TAMM41: variants seen among roughly 807,000 people sequenced by gnomAD.
TAMM41 encodes the protein TAM41 mitochondrial translocator assembly and maintenance homolog, also known as phosphatidate cytidylyltransferase, mitochondrial.
TAMM41 carries 36 observed loss-of-function variants against 44.1 expected under a neutral mutation model. The ratio of observed to expected loss-of-function variants is 0.82; its 90% CI spans 0.63 to 1.08. The LOEUF (loss-of-function observed/expected upper bound fraction) is 1.08, where lower values mean the gene tolerates loss of function less well. Ranked by LOEUF, TAMM41 falls within the 50% of genes least tolerant of loss-of-function variation. TAMM41 has a pLI of 0.00. For synonymous variants in TAMM41, 164 were observed against 153.1 expected (o/e 1.07, Z -0.53); for missense variants, 417 against 404.3 (o/e 1.03, Z -0.27).
chr3:11,769,230 C>T, the TAMM41 span, among the ~76,000 whole-genome samples: 4 of 152,220 alleles, frequency 2.6e-5, no homozygotes, highest in Admixed American at 2.6e-4. Flanking sequence ...GCTGGGATTA[C>T]AGGTGTGTGC....
At chr3:11,836,471 T>C (rs928852846) in intron 3 of TAMM41, among the ~76,000 whole-genome samples, 3 of 152,210 alleles carry the variant, frequency 2.0e-5, no homozygotes, top group Admixed American at 6.5e-5. Context: ...ATGTTTTTGT[T>C]TGTTTGTTTT....
At chr3:11,810,214 T>C (rs369396784) in intron 5 of TAMM41, among the ~76,000 whole-genome samples, 28 of 152,296 alleles carry the variant, frequency 1.8e-4, no homozygotes, top group African/African-American at 6.7e-4. Context: ...CTAATCTTAC[T>C]TACTTTTAAT....
chr3:11,827,636 G>GAAAA (rs373584134), intron 4 of TAMM41, among the ~76,000 whole-genome samples: 1 of 52,070 alleles, frequency 1.9e-5, no homozygotes, highest in Non-Finnish European at 5.6e-5. Context: ...CAGAAAAGAG[G>GAAAA]AAAAAAAAAA....
At chr3:11,772,949 A>G in the TAMM41 span, among the ~76,000 whole-genome samples, 1 of 151,990 alleles carries the variant, frequency 6.6e-6, no homozygotes, top group Non-Finnish European at 1.5e-5. Flanking sequence ...ATTCAAACTC[A>G]GGTCTTTCTT....
the TAMM41 span, among the ~76,000 whole-genome samples, chr3:11,744,651 T>C: frequency 3.9e-4 from 59 of 150,378 alleles, no homozygotes; most frequent in Non-Finnish European, 7.2e-4. Flanking sequence ...GCTGAGATCC[T>C]GCCACTGCAC....
chr3:11,776,877 A>G, the TAMM41 span, among the ~76,000 whole-genome samples: 5 of 152,220 alleles, frequency 3.3e-5, no homozygotes, highest in African/African-American at 1.2e-4. Flanking sequence ...TGGAGACATT[A>G]TGCTTAGTAA....
rs777512768 is a variant in TAMM41, at chr3:11,839,275, CAATCAGAACGTTA to C, written c.345_357del (p.Asn116LysfsTer19). On this transcript the variant is annotated frameshift_variant, in exon 3 of 8. Transcript: ENST00000455809. LOFTEE classifies it high-confidence loss of function. ...AAGTTATTCCAGTTGAGGAGATCTT[CAATCAGAACGTTA>C]GTGCTAATAACTCCATATTTGATAA... 4 of 1,613,398 alleles carry C rather than the reference CAATCAGAACGTTA, an allele frequency of 2.5e-6. No homozygotes were observed. The African/African-American group carries it at 5.3e-5, about 22-fold the overall frequency.
chr3:11,750,124 C>T, the TAMM41 span, among the ~76,000 whole-genome samples: 123 of 152,158 alleles, frequency 8.1e-4, no homozygotes, highest in African/African-American at 2.8e-3. Flanking sequence ...TCTCGATCTC[C>T]TGACCTCGTG....
At chr3:11,802,011 G>A (rs2077769806) in intron 7 of TAMM41, among the ~76,000 whole-genome samples, 1 of 152,110 alleles carries the variant, frequency 6.6e-6, no homozygotes, top group Non-Finnish European at 1.5e-5. Flanking sequence ...GAGATTCTAG[G>A]AGTTCAAGAC....
chr3:11,797,472 T>A (rs1163908829), intron 7 of TAMM41, among the ~76,000 whole-genome samples: 1 of 152,336 alleles, frequency 6.6e-6, no homozygotes, highest in African/African-American at 2.4e-5. Flanking sequence ...GGACCCTTCC[T>A]CATACCATAT....
rs1559291828 is a variant in TAMM41, at chr3:11,817,096, G to T, written c.708+96C>A. On this transcript the variant is annotated intron_variant, in intron 5 of 7. Coordinates refer to ENST00000455809, the MANE Select transcript of TAMM41 (RefSeq NM_001284401.2). The stretch of plus-strand genomic sequence containing the variant: ...AGTACTTACTTTTTAAACTATAAAT[G>T]TTCTCACACCAGTCATGCTGTTCTA... 4 of 1,304,746 alleles carry T rather than the reference G, an allele frequency of 3.1e-6. No individual in the cohort carries two copies. In the East Asian group the frequency reaches 7.0e-5, roughly 23 times the overall value. 80.8% of individuals were successfully genotyped at this position (1,304,746 alleles called of 1,614,324 possible). A position where few individuals can be genotyped will look rare whatever the true frequency, so the allele number is the denominator to read the frequency against.
chr3:11,810,681 G>A (rs2078059792), intron 5 of TAMM41: 1 of 152,138 alleles, frequency 6.6e-6, no homozygotes, highest in South Asian at 2.1e-4. Context: ...TACATTTTAG[G>A]CTTAGAGTTT....
chr3:11,801,677 G>A (rs569629097), intron 7 of TAMM41, among the ~76,000 whole-genome samples: 1 of 152,220 alleles, frequency 6.6e-6, no homozygotes, highest in Admixed American at 6.5e-5. Flanking sequence ...ACCAAAGCCT[G>A]TGGGATGCAG....
At position 11,842,319 on chromosome 3, in the gene TAMM41, G is replaced by A. The variant is rs777215274; in HGVS notation, c.318+1710C>T. Among the ~76,000 whole-genome samples, 11 of 150,518 alleles carry A rather than the reference G, an allele frequency of 7.3e-5. No homozygotes were observed. In the South Asian group the frequency reaches 8.4e-4, roughly 11 times the overall value. ...TGAGGCAGGAGAATCGCTTGAACCT[G>A]GGAGGCGGAGGTTGCAGTGAGCAGA... On this transcript the variant is annotated intron_variant, in intron 2 of 7. Coordinates refer to ENST00000455809, the MANE Select transcript of TAMM41 (RefSeq NM_001284401.2).
rs147379752 is a variant in TAMM41 at position 11,824,892 on chromosome 3, C to T, written c.562+4822G>A. Among the ~76,000 whole-genome samples, 388 of 152,112 alleles carry T rather than the reference C, an allele frequency of 2.6e-3. 3 individuals are homozygous for T. Among genetic ancestry groups the T allele is most frequent in the Non-Finnish European group, 4.6e-3 (315 of 67,984 alleles). On this transcript the variant is annotated intron_variant, in intron 4 of 7. Coordinates refer to ENST00000455809, the MANE Select transcript of TAMM41 (RefSeq NM_001284401.2). Reference sequence around the variant, plus strand: ...TGGGGAAAACACAAACAGGGAAAGACATAGGGAGTGGTGGAGTTGCAGTAG... The same window carrying T: ...TGGGGAAAACACAAACAGGGAAAGATATAGGGAGTGGTGGAGTTGCAGTAG...
intron 4 of TAMM41, among the ~76,000 whole-genome samples, chr3:11,820,424 A>G (rs112459556): frequency 1.3e-5 from 2 of 152,186 alleles, no homozygotes; most frequent in South Asian, 4.1e-4. Context: ...TCTTCCCCCT[A>G]AAAGAACAAT....
At chr3:11,761,042 C>G in the TAMM41 span, among the ~76,000 whole-genome samples, 5 of 151,888 alleles carry the variant, frequency 3.3e-5, no homozygotes, top group African/African-American at 1.2e-4. Context: ...GTGGCAGGCA[C>G]CTGTAGTCCC....
the TAMM41 span, among the ~76,000 whole-genome samples, chr3:11,784,817 TGAG>T: frequency 1.9e-5 from 2 of 108,068 alleles, no homozygotes; most frequent in East Asian, 7.1e-4. Flanking sequence ...TTTTTTTTTT[TGAG>T]GAGGAGGAGT....
intron 7 of TAMM41, among the ~76,000 whole-genome samples, chr3:11,797,716 A>C (rs1429845001): frequency 2.0e-5 from 3 of 152,214 alleles, no homozygotes; most frequent in Non-Finnish European, 4.4e-5. Context: ...ACAACCTAGG[A>C]AATGGGAGAA....
Sources: gnomAD v4.1 joint callset for allele counts (sites outside exome capture counted in the v4.1 genomes callset) on GRCh38, gnomAD v4.1.1 for gene constraint, MANE v1.5 for transcripts, NCBI Gene and HGNC (gene_info 2026-07-23, HGNC 2026-07-21) for gene names.